The following ANK3 variants were observed in gnomAD, a reference collection of about 807,000 sequenced individuals.
ANK3 encodes ankyrin 3.
In ANK3, 57 loss-of-function variants were observed where a neutral mutation model predicts 370.9. The ratio of observed to expected loss-of-function variants is 0.15; its 90% confidence interval spans 0.12 to 0.19. ANK3 has a LOEUF of 0.19. Ranked by LOEUF, ANK3 falls within the 10% of genes least tolerant of loss-of-function variation. The pLI is 1.00. For synonymous variants in ANK3, 1,929 were observed against 1,946.3 expected, an observed-to-expected ratio of 0.99 and a Z score of 0.23; for missense variants, 4,439 against 5,302.1, an observed-to-expected ratio of 0.84 and a Z score of 5.06.
At chr10:60,341,512 A>T (rs2054274615) in intron 1 of ANK3, among the ~76,000 whole-genome samples, 1 of 152,166 alleles carries the variant, frequency 6.6e-6, no homozygotes. Context: ...CACTAAAATA[A>T]CCTAAATATG....
chr10:60,444,428 A>G (rs928044709), intron 2 of ANK3, among the ~76,000 whole-genome samples: 14 of 122,356 alleles, frequency 1.1e-4, no homozygotes, highest in African/African-American at 4.6e-4. Context: ...TATATAACAT[A>G]CGTGTGTGTG....
chr10:60,069,059 C>A lies in ANK3; in HGVS notation c.11822G>T (p.Gly3941Val). The A allele has an allele frequency of 3.1e-6, 5 of 1,614,028 alleles. No homozygotes were observed. Among genetic ancestry groups the A allele is most frequent in the African/African-American group, 1.3e-5 (1 of 75,006 alleles). Residue 3941 changes from glycine (G) to valine (V), a missense_variant, in exon 37 of 44, where the codon GGC becomes GTC. Gly to Val is a moderately radical substitution (Grantham distance 109). Coordinates refer to ENST00000280772, the MANE Select transcript of ANK3 (RefSeq NM_020987.5). ...ATQKQGQPEK[G>V]KAKQLPSKLP... ...CTTGGATGGAAGCTGTTTGGCCTTG[C>A]CTTTCTCTGGCTGCCCTTGCTTTTG...
At chr10:60,624,853 C>T (rs2078386963) in intron 1 of ANK3, among the ~76,000 whole-genome samples, 2 of 151,700 alleles carry the variant, frequency 1.3e-5, no homozygotes, top group Admixed American at 6.6e-5. Flanking sequence ...AGAAAATAAT[C>T]AATTAAATGG....
Position 60,055,916 on chromosome 10 carries a change from T to C in ANK3, c.12807A>G (p.Glu4269=). Residue 4269 remains glutamate (E), a synonymous_variant, in exon 42 of 44, where the codon GAA becomes GAG. Transcript: ENST00000280772. Reference sequence around the variant, plus strand: ...TCTGTTTTCCTACATCATTTTGGGATTCTGGAAAGTAAGATTTTGTCTTTG... The same window carrying C: ...TCTGTTTTCCTACATCATTTTGGGACTCTGGAAAGTAAGATTTTGTCTTTG... ...PEAKTKSYFP[E]SQNDVGKQST... The C allele has an allele frequency of 3.7e-6, 6 of 1,614,176 alleles. No individual in the cohort carries two copies. The highest frequency in any genetic ancestry group is 5.1e-6 in the Non-Finnish European group (6 of 1,180,020).
At chr10:60,234,465 A>C (rs780085758) in intron 8 of ANK3, among the ~76,000 whole-genome samples, 1 of 152,214 alleles carries the variant, frequency 6.6e-6, no homozygotes, top group Admixed American at 6.5e-5. Flanking sequence ...AGAACTCTAG[A>C]ACTTTTAAAG....
chr10:60,716,766 T>C (rs2079796860), intron 1 of ANK3, among the ~76,000 whole-genome samples: 1 of 152,188 alleles, frequency 6.6e-6, no homozygotes, highest in Non-Finnish European at 1.5e-5. Flanking sequence ...TCCTCCTGCC[T>C]TGGCCTCCCA....
intron 2 of ANK3, among the ~76,000 whole-genome samples, chr10:60,399,357 G>GC (rs2063308901): frequency 6.6e-6 from 1 of 152,110 alleles, no homozygotes; most frequent in Non-Finnish European, 1.5e-5. Flanking sequence ...AATGTAAGAT[G>GC]CTTGTTCCCC....
chr10:60,249,086 A>C (rs2097602107), intron 7 of ANK3, among the ~76,000 whole-genome samples: 1 of 152,188 alleles, frequency 6.6e-6, no homozygotes, highest in Admixed American at 6.5e-5. Context: ...ATCAAAGCTC[A>C]ATCAAAAGTA....
chr10:60,030,436 C>T (rs2073197735), intron 43 of ANK3, among the ~76,000 whole-genome samples: 1 of 152,174 alleles, frequency 6.6e-6, no homozygotes, highest in Non-Finnish European at 1.5e-5. Flanking sequence ...GCCACCACGC[C>T]CGGCCCTCAA....
chr10:60,602,315 C>T (rs1394625062), intron 2 of ANK3, among the ~76,000 whole-genome samples: 3 of 152,112 alleles, frequency 2.0e-5, no homozygotes, highest in African/African-American at 7.2e-5. Context: ...CCTCCCTCCC[C>T]ACAATATAAT....
At chr10:60,578,595 G>A (rs1012539424) in intron 2 of ANK3, among the ~76,000 whole-genome samples, 3 of 152,192 alleles carry the variant, frequency 2.0e-5, no homozygotes, top group Non-Finnish European at 4.4e-5. Context: ...AACTAAGGCT[G>A]CTTATATTTG....
chr10:60,172,791 G>A, intron 20 of ANK3, 109 bp downstream of exon 20: 1 of 670,146 alleles, frequency 1.5e-6, no homozygotes, highest in Non-Finnish European at 2.6e-6. Flanking sequence ...TCTACTGAAT[G>A]CTCTGTTTAT....
intron 15 of ANK3, 38 bp from the exon 16 acceptor site, chr10:60,196,281 G>A: frequency 3.2e-6 from 5 of 1,575,772 alleles, no homozygotes; most frequent in Non-Finnish European, 4.4e-6. Context: ...AGTGTCAAAG[G>A]TGTCTTAAAA....
intron 2 of ANK3, among the ~76,000 whole-genome samples, chr10:60,479,424 G>T (rs1481391621): frequency 2.0e-5 from 3 of 151,970 alleles, no homozygotes; most frequent in Non-Finnish European, 4.4e-5. Context: ...ATACCATCTG[G>T]GTGTGAATAA....
At chr10:60,233,124 G>T (rs1352562044) in intron 8 of ANK3, among the ~76,000 whole-genome samples, 1 of 152,188 alleles carries the variant, frequency 6.6e-6, no homozygotes, top group African/African-American at 2.4e-5. Flanking sequence ...ACTAACTGGA[G>T]CTCTGAGATA....
chr10:60,482,039 C>T (rs769689376), intron 2 of ANK3, among the ~76,000 whole-genome samples: 4 of 152,154 alleles, frequency 2.6e-5, no homozygotes, highest in Non-Finnish European at 5.9e-5. Context: ...CCTGGCACTG[C>T]TCTCCTTTTC....
chr10:60,141,561 GT>G (rs36033791), intron 23 of ANK3, among the ~76,000 whole-genome samples: 36 of 49,028 alleles, frequency 7.3e-4, no homozygotes, highest in African/African-American at 3.0e-3. Context: ...TTCAATTGCT[GT>G]TTTTTTTTTT....
At chr10:60,579,046 G>C (rs1052086864) in intron 2 of ANK3, among the ~76,000 whole-genome samples, 5 of 152,098 alleles carry the variant, frequency 3.3e-5, no homozygotes, top group African/African-American at 1.2e-4. Context: ...GATTTTTCTG[G>C]CCGGGCGCAG....
At chr10:60,316,156 G>GACAT (rs1490459142) in intron 1 of ANK3, among the ~76,000 whole-genome samples, 3 of 152,160 alleles carry the variant, frequency 2.0e-5, no homozygotes, top group Non-Finnish European at 4.4e-5. Flanking sequence ...GAGCTATGAG[G>GACAT]ACATGCTTGT....
Sources: gnomAD v4.1 joint callset for allele counts (sites outside exome capture counted in the v4.1 genomes callset) on GRCh38, gnomAD v4.1.1 for gene constraint, MANE v1.5 for transcripts, NCBI Gene and HGNC (gene_info 2026-07-23, HGNC 2026-07-21) for gene names.